DYRK4: variants seen among roughly 807,000 people sequenced by gnomAD.
The protein encoded by DYRK4 is dual specificity tyrosine phosphorylation regulated kinase 4.
DYRK4 carries 64 observed loss-of-function variants against 68.3 expected under a neutral mutation model. The observed-to-expected ratio is 0.94, with a 90% CI of 0.77 to 1.15. The LOEUF (loss-of-function observed/expected upper bound fraction) is 1.15, where lower values mean the gene tolerates loss of function less well. DYRK4 is among the 50% of genes most tolerant of loss of function. The pLI is 0.00. For missense variants in DYRK4, 740 were observed against 764.7 expected, an observed-to-expected ratio of 0.97 and a Z score of 0.38; for synonymous variants, 274 against 289.9, an observed-to-expected ratio of 0.95 and a Z score of 0.56.
intron 2 of DYRK4, among the ~76,000 whole-genome samples, chr12:4,584,798 A>T (rs191584937): frequency 9.2e-5 from 14 of 151,930 alleles, no homozygotes; most frequent in African/African-American, 4.8e-5. Context: ...CTCGTGATCC[A>T]CCCACCTCGG....
At chr12:4,569,379 A>C (rs12301649) in intron 2 of DYRK4, among the ~76,000 whole-genome samples, 9,283 of 152,280 alleles carry the variant, frequency 0.061, 483 homozygotes, top group African/African-American at 0.14. Flanking sequence ...ACAGAACAGT[A>C]TTGGTTATGA....
chr12:4,609,262 C>G (rs1945189956), intron 12 of DYRK4, among the ~76,000 whole-genome samples: 1 of 152,204 alleles, frequency 6.6e-6, no homozygotes. Context: ...GTTTTCCAAA[C>G]TCTATCCAAA....
rs565662385 is a variant in DYRK4, at chr12:4,596,903, G to A, written c.905+174G>A. 18 of 1,451,554 alleles carry A rather than the reference G, an allele frequency of 1.2e-5. No homozygotes were observed. The East Asian group carries it at 3.8e-4, about 30-fold the overall frequency. The allele number at this position is 1,451,554 out of a possible 1,614,324, so 89.9% of individuals were successfully genotyped here. ...AGCAAGGAGGTTGGGATGAAAGCAGGCCATCTTGGTATGCCTGTCACCTGC... is the reference window on the plus strand; with the variant it reads ...AGCAAGGAGGTTGGGATGAAAGCAGACCATCTTGGTATGCCTGTCACCTGC... On this transcript the variant is annotated intron_variant, in intron 8 of 14. Coordinates refer to ENST00000543431, the MANE Select transcript of DYRK4 (RefSeq NM_001394779.1).
rs772481500 is a variant in DYRK4 at position 4,596,741 on chromosome 12, TTTC to T, written c.905+18_905+20del. On this transcript the variant is annotated intron_variant, in intron 8 of 14. Transcript: ENST00000543431. ...TTTGAGCTCCTGGGGTCAGCTGCCT[TTTC>T]TTCTTAACTCATTTTCTCTGGAAAA... 2.5e-6 allele frequency: 4 copies of T among 1,612,962 alleles called. No individual in the cohort carries two copies. The South Asian group carries it at 4.4e-5, about 18-fold the overall frequency.
At chr12:4,576,245 C>T (rs908175836) in intron 2 of DYRK4, among the ~76,000 whole-genome samples, 3 of 152,186 alleles carry the variant, frequency 2.0e-5, no homozygotes, top group African/African-American at 7.2e-5. Flanking sequence ...TTTGCCTTTT[C>T]TAGAATATTG....
chr12:4,562,796 C>T (rs1390954357), intron 1 of DYRK4, among the ~76,000 whole-genome samples: 28 of 152,244 alleles, frequency 1.8e-4, no homozygotes, highest in Admixed American at 1.8e-3. Flanking sequence ...CAGGGCCCAG[C>T]CCCTGACACA....
chr12:4,612,984 G>T, intron 14 of DYRK4: 2 of 383,690 alleles, frequency 5.2e-6, no homozygotes, highest in South Asian at 3.2e-5. Flanking sequence ...TCCTTTTCAG[G>T]GAAATTTGGC....
chr12:4,603,882 C>T (rs1380645196), intron 10 of DYRK4, among the ~76,000 whole-genome samples: 10 of 152,272 alleles, frequency 6.6e-5, no homozygotes, highest in Middle Eastern at 6.8e-3. Flanking sequence ...TTCTAGCAGT[C>T]ATTTCCCCCT....
intron 8 of DYRK4, among the ~76,000 whole-genome samples, chr12:4,598,189 A>C (rs1945039955): frequency 6.6e-6 from 1 of 152,214 alleles, no homozygotes; most frequent in African/African-American, 2.4e-5. Flanking sequence ...CAGCCTGGAC[A>C]ACAGAGCAAG....
Position 4,613,369 on chromosome 12 carries a change from C to T in DYRK4, c.1667-146C>T, listed in dbSNP as rs10744655. On this transcript the variant is annotated intron_variant, in intron 14 of 14. Transcript: ENST00000543431. This position sits in a 1 kb window ranked among gnomAD's most constrained non-coding sequence, Gnocchi z 4.0. ...AATGTACAGTGCTTAGAATAATGCC[C>T]GGCACATTGGAGGTGCTTTACAAAT... 0.44 allele frequency: 448,772 copies of T among 1,012,504 alleles called. 102,852 individuals are homozygous for T. The highest frequency in any genetic ancestry group is 0.73 in the East Asian group (28,133 of 38,394). 62.7% of individuals were successfully genotyped at this position (1,012,504 alleles called of 1,614,324 possible).
At chr12:4,607,270 C>CA in intron 11 of DYRK4, 57 bp from the exon 12 acceptor site, 1 of 1,607,076 alleles carries the variant, frequency 6.2e-7, no homozygotes, top group Admixed American at 1.7e-5. Context: ...CTCCACCCCT[C>CA]AGCCTTTGAA....
chr12:4,608,949 C>T (rs552824060), intron 12 of DYRK4, among the ~76,000 whole-genome samples: 2 of 152,302 alleles, frequency 1.3e-5, no homozygotes, highest in African/African-American at 4.8e-5. Context: ...CCCAAATATA[C>T]TTTTTCTACC....
chr12:4,579,409 A>G (rs1161055951), intron 2 of DYRK4, among the ~76,000 whole-genome samples: 1 of 152,180 alleles, frequency 6.6e-6, no homozygotes, highest in African/African-American at 2.4e-5. Flanking sequence ...AGTCTAGACA[A>G]AGTTTTCTTA....
intron 8 of DYRK4, chr12:4,596,955 G>C (rs1201957636): frequency 1.4e-6 from 2 of 1,392,494 alleles, no homozygotes; most frequent in Non-Finnish European, 9.3e-7. Flanking sequence ...TACTTCCCTG[G>C]TGCTGGGTAC....
Position 4,591,583 on chromosome 12 carries a change from A to G in DYRK4, c.463+285A>G, listed in dbSNP as rs1944955504. On this transcript the variant is annotated intron_variant, in intron 5 of 14. Transcript: ENST00000543431. This position sits in a 1 kb window ranked among gnomAD's most constrained non-coding sequence, Gnocchi z 4.1. ...TCTCATTTGCCTAAGGAGCCCAGAC[A>G]CAAGGCTCCTGTCATTTTATGGACC... The G allele has an allele frequency of 1.1e-5, 4 of 367,834 alleles. No individual in the cohort carries two copies. In the South Asian group the frequency reaches 2.8e-4, roughly 26 times the overall value. 22.8% of individuals were successfully genotyped at this position (367,834 alleles called of 1,614,324 possible).
Position 4,604,964 on chromosome 12 carries a change from G to C in DYRK4, c.1177G>C (p.Gly393Arg). 3.1e-6 allele frequency: 5 copies of C among 1,613,192 alleles called. No individual in the cohort carries two copies. Among genetic ancestry groups the C allele is most frequent in the Non-Finnish European group, 4.2e-6 (5 of 1,179,470 alleles). The change falls in exon 11 of 15, where the codon GGC becomes CGC. Residue 393 changes from glycine to arginine, a missense_variant. Physicochemically the swap from Gly to Arg is moderately radical, Grantham distance 125. Around this residue, in one of 3 missense-constraint regions of DYRK4, gnomAD observed 614 missense variants for 603.7 expected, o/e 1.02. Transcript: ENST00000543431. ...RFYRSPEVIL[G>R]HPYDVAIDMW... ...CTACCGATCCCCAGAAGTGATCCTGGGCCACCCCTACGACGTGGCCATTGA... is the reference window on the plus strand; with the variant it reads ...CTACCGATCCCCAGAAGTGATCCTGCGCCACCCCTACGACGTGGCCATTGA...
chr12:4,607,530 C>T (rs1419220668), intron 12 of DYRK4, 143 bp downstream of exon 12: 1 of 893,840 alleles, frequency 1.1e-6, no homozygotes, highest in Non-Finnish European at 1.7e-6. Flanking sequence ...AGATAATGAG[C>T]AGGGGAATCG....
intron 10 of DYRK4, among the ~76,000 whole-genome samples, chr12:4,601,645 A>T (rs1482134955): frequency 3.3e-5 from 5 of 152,252 alleles, no homozygotes; most frequent in African/African-American, 4.8e-5. Context: ...CACACTGTTA[A>T]AAGTGGTTAT....
At chr12:4,562,392 A>G (rs1329034748) in intron 1 of DYRK4, 109 bp downstream of exon 1, 2 of 1,354,792 alleles carry the variant, frequency 1.5e-6, no homozygotes, top group Non-Finnish European at 9.8e-7. Flanking sequence ...AAGCGTGCAG[A>G]ATGCAAGAGC....
Sources: gnomAD v4.1 joint callset for allele counts (sites outside exome capture counted in the v4.1 genomes callset) on GRCh38, gnomAD v4.1.1 for gene constraint, gnomAD v4.1.1 regional missense constraint, Gnocchi (gnomAD v3.1) non-coding constraint, MANE v1.5 for transcripts, NCBI Gene and HGNC (gene_info 2026-07-23, HGNC 2026-07-21) for gene names.